C14orf119: variants seen among roughly 807,000 people sequenced by gnomAD.
C14orf119 encodes the protein uncharacterized protein C14orf119.
A neutral mutation model predicts 13.5 loss-of-function variants in C14orf119; 17 were observed. That is an observed-to-expected ratio of 1.26 (90% CI 0.86 to 1.88). C14orf119 has a LOEUF of 1.88. C14orf119 is among the 40% of genes most tolerant of loss of function. The pLI is 0.00. For synonymous variants in C14orf119, 61 were observed against 61.9 expected (o/e 0.99, Z 0.07); for missense variants, 162 against 165.9 (o/e 0.98, Z 0.13).
intron 1 of C14orf119, 74 bp from the exon 2 acceptor site, chr14:23,097,584 G>GT: frequency 7.4e-7 from 1 of 1,346,622 alleles, no homozygotes; most frequent in Non-Finnish European, 1.0e-6. Flanking sequence ...AGTGTGGTAA[G>GT]ATGTCTTGTT....
Position 23,099,434 on chromosome 14 carries a change from C to T in C14orf119, c.*1353C>T, listed in dbSNP as rs527970115. 7.3e-6 allele frequency: 3 copies of T among 413,438 alleles called. No homozygotes were observed. Among genetic ancestry groups the T allele is most frequent in the Non-Finnish European group, 1.3e-5 (3 of 226,154 alleles). The allele number at this position is 413,438 out of a possible 1,614,324, so 25.6% of individuals were successfully genotyped here. A position where few individuals can be genotyped will look rare whatever the true frequency, so the allele number is the denominator to read the frequency against. ...AGGATTAGCAGCATTAGGCAGAGTCCCATGGACAGCCTTAGGTGGGTCATG... is the reference window on the plus strand; with the variant it reads ...AGGATTAGCAGCATTAGGCAGAGTCTCATGGACAGCCTTAGGTGGGTCATG... On this transcript the variant is annotated 3_prime_UTR_variant, in exon 2 of 2. Coordinates refer to ENST00000319074, the MANE Select transcript of C14orf119 (RefSeq NM_017924.4).
Position 23,098,161 on chromosome 14 carries a change from G to T in C14orf119, c.*80G>T, listed in dbSNP as rs576364744. 25 of 1,473,138 alleles carry T rather than the reference G, an allele frequency of 1.7e-5. No individual in the cohort carries two copies. Among genetic ancestry groups the T allele is most frequent in the Non-Finnish European group, 2.1e-5 (23 of 1,079,090 alleles). 91.3% of individuals were successfully genotyped at this position (1,473,138 alleles called of 1,614,324 possible). On this transcript the variant is annotated 3_prime_UTR_variant, in exon 2 of 2. Coordinates refer to ENST00000319074, the MANE Select transcript of C14orf119 (RefSeq NM_017924.4). ...AATGATAACTCAATTCAAATGTGTC[G>T]CCTAAAGCTCTGGAACTGGTATTCC...
In C14orf119 at chr14:23,098,753, C is replaced by G. The variant is rs775621483; in HGVS notation, c.*672C>G. On this transcript the variant is annotated 3_prime_UTR_variant, in exon 2 of 2. Coordinates refer to ENST00000319074, the MANE Select transcript of C14orf119 (RefSeq NM_017924.4). ...CGTGAGATCACTGTAACCTCAAATT[C>G]TAGGCTGAAGTAATCTTTCTGCCTC... The G allele has an allele frequency of 1.2e-5, 2 of 164,892 alleles. No homozygotes were observed. Among genetic ancestry groups the G allele is most frequent in the Admixed American group, 6.5e-5 (1 of 15,272 alleles). The allele number at this position is 164,892 out of a possible 1,614,324, so 10.2% of individuals were successfully genotyped here.
At position 23,100,236 on chromosome 14, in the gene C14orf119, C is replaced by T. The variant is rs974523285; in HGVS notation, c.*2155C>T. On this transcript the variant is annotated 3_prime_UTR_variant, in exon 2 of 2. Transcript: ENST00000319074. ...CCCCACTGCATTCCAGCCTGGGTGA[C>T]AGAGCGAGACCCTGTCTCAAAAAAG... The T allele has an allele frequency of 3.4e-6, 1 of 291,322 alleles. No individual in the cohort carries two copies. The highest frequency in any genetic ancestry group is 6.6e-6 in the Non-Finnish European group (1 of 150,800). 18.0% of individuals were successfully genotyped at this position (291,322 alleles called of 1,614,324 possible). A position where few individuals can be genotyped will look rare whatever the true frequency, so the allele number is the denominator to read the frequency against.
Position 23,099,190 on chromosome 14 carries a change from A to T in C14orf119, c.*1109A>T. On this transcript the variant is annotated 3_prime_UTR_variant, in exon 2 of 2. Transcript: ENST00000319074. ...CCGGGGAAAGAGGCATTCCAAAGAA[A>T]GTAGAAATTAAGTATACACAATAGA... 2.4e-6 allele frequency: 1 copy of T among 412,586 alleles called. No individual in the cohort carries two copies. 25.6% of individuals were successfully genotyped at this position (412,586 alleles called of 1,614,324 possible).
chr14:23,097,932 T>C lies in C14orf119; in HGVS notation c.274T>C (p.Phe92Leu). ...VSGADRPPSI[F>L]ECQLHLWDQW... ...TGGGGCAGACCGACCACCTTCTATC[T>C]TTGAGTGCCAGCTACATCTTTGGGA... The change falls in exon 2 of 2, where the codon TTT (phenylalanine) becomes CTT (leucine). Residue 92 changes from phenylalanine (F) to leucine (L), a missense_variant. Physicochemically the swap from Phe to Leu is conservative, Grantham distance 22. Transcript: ENST00000319074. The C allele has an allele frequency of 6.2e-7, 1 of 1,614,094 alleles. No homozygotes were observed. Among genetic ancestry groups the C allele is most frequent in the Non-Finnish European group, 8.5e-7 (1 of 1,179,938 alleles).
chr14:23,097,887 C>G lies in C14orf119; in HGVS notation c.229C>G (p.Leu77Val), dbSNP rs1175880150. The change falls in exon 2 of 2, where the codon CTG becomes GTG. Residue 77 changes from leucine to valine, a missense_variant. By Grantham distance (32) the Leu-to-Val change is conservative (BLOSUM62 1). Coordinates refer to ENST00000319074, the MANE Select transcript of C14orf119 (RefSeq NM_017924.4). The stretch of plus-strand genomic sequence containing the variant: ...AAAATTACAACCACTGCTGGATAGT[C>G]TGGAGCAGCTTAGTGTGTCTGGGGC... Reference protein sequence around the residue: ...PEKLQPLLDSLEQLSVSGADR... With the variant: ...PEKLQPLLDSVEQLSVSGADR... 6.2e-7 allele frequency: 1 copy of G among 1,614,150 alleles called. No individual in the cohort carries two copies. The highest frequency in any genetic ancestry group is 8.5e-7 in the Non-Finnish European group (1 of 1,179,986).
chr14:23,096,716 A>G (rs2048381619), intron 1 of C14orf119, among the ~76,000 whole-genome samples: 2 of 152,028 alleles, frequency 1.3e-5, no homozygotes, highest in East Asian at 1.9e-4. Context: ...AGCTAGGACT[A>G]CAGGTAGGCA....
Position 23,097,681 on chromosome 14 carries a change from C to A in C14orf119, c.23C>A (p.Ser8Ter). The A allele has an allele frequency of 6.2e-7, 1 of 1,613,886 alleles. No homozygotes were observed. Among genetic ancestry groups the A allele is most frequent in the Non-Finnish European group, 8.5e-7 (1 of 1,179,776 alleles). MPLESSS[S>*]MPLSFPSLLP... The stretch of plus-strand genomic sequence containing the variant: ...AGGATGCCACTGGAGTCATCCTCTT[C>A]AATGCCACTATCCTTCCCATCTCTC... The change falls in exon 2 of 2, where the codon TCA (serine) becomes TAA (stop). Residue 8 changes from serine (S) to a stop codon, truncating the protein, a stop_gained. Coordinates refer to ENST00000319074, the MANE Select transcript of C14orf119 (RefSeq NM_017924.4). LOFTEE classifies it high-confidence loss of function.
intron 1 of C14orf119, among the ~76,000 whole-genome samples, chr14:23,097,368 T>C (rs1296988766): frequency 6.6e-6 from 1 of 152,168 alleles, no homozygotes; most frequent in Non-Finnish European, 1.5e-5. Flanking sequence ...ACAAGAAATA[T>C]ATTGGTTATT....
chr14:23,097,636 T>C (rs2048395491), intron 1 of C14orf119, 22 bp from the exon 2 acceptor site: 1 of 1,608,052 alleles, frequency 6.2e-7, no homozygotes, highest in Non-Finnish European at 8.5e-7. Context: ...GGAGAGCATA[T>C]AACAGTGCTT....
rs1427391435 is a variant in C14orf119 at position 23,098,421 on chromosome 14, T to C, written c.*340T>C. On this transcript the variant is annotated 3_prime_UTR_variant, in exon 2 of 2. Coordinates refer to ENST00000319074, the MANE Select transcript of C14orf119 (RefSeq NM_017924.4). ...TCAAGTCCACTGCTGGCTCATGAAA[T>C]GTGTAAAGTAGAACCCTCCTTCCCG... The C allele has an allele frequency of 1.2e-5, 3 of 254,512 alleles. No individual in the cohort carries two copies. The highest frequency in any genetic ancestry group is 4.9e-5 in the Admixed American group (1 of 20,356). The allele number at this position is 254,512 out of a possible 1,614,324, so 15.8% of individuals were successfully genotyped here.
chr14:23,098,211 CA>C lies in C14orf119; in HGVS notation c.*131del. 1 of 875,730 alleles carries C rather than the reference CA, an allele frequency of 1.1e-6. No individual in the cohort carries two copies. Among genetic ancestry groups the C allele is most frequent in the South Asian group, 1.7e-5 (1 of 57,580 alleles). The allele number at this position is 875,730 out of a possible 1,614,324, so 54.2% of individuals were successfully genotyped here. On this transcript the variant is annotated 3_prime_UTR_variant, in exon 2 of 2. Transcript: ENST00000319074. ...CAACCAGCTGACCGAACTCACTGAC[CA>C]GTACAGGCATGGTTATTTCAACATT...
rs1785397917 is a variant in C14orf119 at position 23,097,892 on chromosome 14, G to A, written c.234G>A (p.Glu78=). ...EKLQPLLDSL[E]QLSVSGADRP... ...TACAACCACTGCTGGATAGTCTGGA[G>A]CAGCTTAGTGTGTCTGGGGCAGACC... is the stretch of plus-strand genomic sequence containing the variant. Residue 78 remains glutamate (E), a synonymous_variant, in exon 2 of 2, where the codon GAG becomes GAA. Transcript: ENST00000319074. The A allele has an allele frequency of 1.2e-5, 19 of 1,614,170 alleles. No homozygotes were observed. Among genetic ancestry groups the A allele is most frequent in the Non-Finnish European group, 1.6e-5 (19 of 1,179,988 alleles).
chr14:23,097,440 A>G (rs2048393100), intron 1 of C14orf119, among the ~76,000 whole-genome samples: 1 of 152,236 alleles, frequency 6.6e-6, no homozygotes, highest in Non-Finnish European at 1.5e-5. Flanking sequence ...GGTTTGAAAA[A>G]GGCAGGCAAA....
intron 1 of C14orf119, among the ~76,000 whole-genome samples, chr14:23,096,291 C>G (rs1453263822): frequency 6.6e-6 from 1 of 151,602 alleles, no homozygotes; most frequent in African/African-American, 2.4e-5. Context: ...CCGAGGCGGG[C>G]GGATCACTTG....
Position 23,095,549 on chromosome 14 carries a change from G to A in C14orf119, c.-72G>A, listed in dbSNP as rs1313902443. On this transcript the variant is annotated 5_prime_UTR_variant, in exon 1 of 2. Coordinates refer to ENST00000319074, the MANE Select transcript of C14orf119 (RefSeq NM_017924.4). ...CAGCTTAGGGTTTTCAGGAAATTTG[G>A]AAGCTGCCGCAGTAGTTGGAGTCTA... 3 of 484,330 alleles carry A rather than the reference G, an allele frequency of 6.2e-6. No homozygotes were observed. Among genetic ancestry groups the A allele is most frequent in the Non-Finnish European group, 1.1e-5 (3 of 271,824 alleles). 30.0% of individuals were successfully genotyped at this position (484,330 alleles called of 1,614,324 possible).
rs1349938155 is a variant in C14orf119 at position 23,097,867 on chromosome 14, T to TA, written c.210dup (p.Gln71ThrfsTer6). The TA allele has an allele frequency of 6.2e-7, 1 of 1,614,166 alleles. No individual in the cohort carries two copies. Among genetic ancestry groups the TA allele is most frequent in the South Asian group, 1.1e-5 (1 of 91,082 alleles). On this transcript the variant is annotated frameshift_variant, in exon 2 of 2. Transcript: ENST00000319074. LOFTEE classifies it high-confidence loss of function. ...GTAGCTAAGGCAGTGCCAGAAAAATTACAACCACTGCTGGATAGTCTGGAG... is the reference window on the plus strand; with the variant it reads ...GTAGCTAAGGCAGTGCCAGAAAAATTAACAACCACTGCTGGATAGTCTGGAG...
rs1042873778 is a variant in C14orf119 at position 23,099,051 on chromosome 14, A to G, written c.*970A>G. 4 of 352,342 alleles carry G rather than the reference A, an allele frequency of 1.1e-5. No individual in the cohort carries two copies. The highest frequency in any genetic ancestry group is 2.1e-5 in the Non-Finnish European group (4 of 188,060). The allele number at this position is 352,342 out of a possible 1,614,324, so 21.8% of individuals were successfully genotyped here. On this transcript the variant is annotated 3_prime_UTR_variant, in exon 2 of 2. Transcript: ENST00000319074. The stretch of plus-strand genomic sequence containing the variant: ...AAGTTTGCTTTACAACAATACGAAA[A>G]TAAGTGACAATTTACAGGTTGAACA...
Sources: gnomAD v4.1 joint callset for allele counts (sites outside exome capture counted in the v4.1 genomes callset) on GRCh38, gnomAD v4.1.1 for gene constraint, MANE v1.5 for transcripts, NCBI Gene and HGNC (gene_info 2026-07-23, HGNC 2026-07-21) for gene names.